SLC2A13: variants seen among roughly 807,000 people sequenced by gnomAD.
SLC2A13 encodes proton myo-inositol cotransporter.
Under a neutral mutation model 64.4 loss-of-function variants are expected in SLC2A13, and 32 were observed. The ratio of observed to expected loss-of-function variants is 0.50; its 90% confidence interval spans 0.37 to 0.67. The LOEUF is 0.67. Among genes scored for constraint, SLC2A13 ranks in the 30% least tolerant of loss-of-function variants. The pLI is 0.00. For missense variants in SLC2A13, 743 were observed against 829.2 expected (o/e 0.90, Z 1.28); for synonymous variants, 338 against 327.1 (o/e 1.03, Z -0.36).
At chr12:40,103,761 T>G (rs972248914) in intron 1 of SLC2A13, among the ~76,000 whole-genome samples, 2 of 152,222 alleles carry the variant, frequency 1.3e-5, no homozygotes, top group African/African-American at 4.8e-5. Flanking sequence ...CAGACAATGC[T>G]GAGAAAAGAA....
chr12:40,029,712 A>G (rs566214333), intron 2 of SLC2A13, among the ~76,000 whole-genome samples: 1 of 152,226 alleles, frequency 6.6e-6, no homozygotes, highest in Admixed American at 6.5e-5. Flanking sequence ...TACAAATTAC[A>G]AACTTAAACT....
chr12:39,764,417 T>C, intron 9 of SLC2A13, 43 bp downstream of exon 9: 4 of 1,473,328 alleles, frequency 2.7e-6, no homozygotes, highest in Non-Finnish European at 3.6e-6. Flanking sequence ...AAAATAGTGA[T>C]AAAAATAAAA....
chr12:39,980,081 T>C lies in SLC2A13; in HGVS notation c.926-28716A>G, dbSNP rs970509505. The stretch of plus-strand genomic sequence containing the variant: ...TCATATCCAGCCAAACAAAGCTTCA[T>C]AAGTGAAGGAGAAATAAAATACTTT... On this transcript the variant is annotated intron_variant, in intron 3 of 9. Transcript: ENST00000280871. 7.6e-3 allele frequency among the ~76,000 whole-genome samples: 1,155 copies of C among 151,964 alleles called. 11 individuals carry two copies. Among genetic ancestry groups the C allele is most frequent in the African/African-American group, 0.026 (1,078 of 41,406 alleles).
intron 4 of SLC2A13, among the ~76,000 whole-genome samples, chr12:39,885,469 G>A (rs760810625): frequency 1.5e-4 from 23 of 152,104 alleles, no homozygotes; most frequent in Admixed American, 1.2e-3. Context: ...CTTGATCCCC[G>A]CTTCTACAAT....
chr12:40,062,150 G>A (rs529904733), intron 1 of SLC2A13, among the ~76,000 whole-genome samples: 1 of 152,062 alleles, frequency 6.6e-6, no homozygotes, highest in East Asian at 1.9e-4. Context: ...ACATACAAAA[G>A]TCAATTGTTA....
intron 1 of SLC2A13, among the ~76,000 whole-genome samples, chr12:40,052,148 T>C (rs1023640799): frequency 3.9e-5 from 6 of 151,948 alleles, no homozygotes. Flanking sequence ...AAAATGAAGT[T>C]TGAGTACAAG....
In SLC2A13 at chr12:39,835,191, T is replaced by C. The variant is rs181233284; in HGVS notation, c.1320-4963A>G. 2.3e-3 allele frequency among the ~76,000 whole-genome samples: 345 copies of C among 152,210 alleles called. 1 individual carries two copies. Among genetic ancestry groups the C allele is most frequent in the African/African-American group, 7.5e-3 (313 of 41,566 alleles). ...GGCCTATTTGTCCCCTTCCACAGTG[T>C]GACCTGGACTAAGGTCTAAATTCTA... On this transcript the variant is annotated intron_variant, in intron 6 of 9. Transcript: ENST00000280871.
intron 7 of SLC2A13, among the ~76,000 whole-genome samples, chr12:39,822,563 C>A (rs1243199375): frequency 6.6e-6 from 1 of 152,202 alleles, no homozygotes; most frequent in Admixed American, 6.5e-5. Context: ...CTGCTGTACA[C>A]CTTCTGATGC....
At chr12:39,814,714 C>T (rs890144799) in intron 7 of SLC2A13, among the ~76,000 whole-genome samples, 2 of 152,130 alleles carry the variant, frequency 1.3e-5, no homozygotes, top group East Asian at 3.9e-4. Context: ...ACAAACCCTG[C>T]CTATCCTTCA....
intron 3 of SLC2A13, among the ~76,000 whole-genome samples, chr12:39,957,871 G>C (rs1419091756): frequency 1.3e-5 from 2 of 152,092 alleles, no homozygotes; most frequent in East Asian, 3.9e-4. Context: ...ACGTGAGGAG[G>C]CCCAGCCCCT....
chr12:39,980,481 C>A (rs1165692182), intron 3 of SLC2A13, among the ~76,000 whole-genome samples: 3 of 151,448 alleles, frequency 2.0e-5, no homozygotes, highest in Non-Finnish European at 2.9e-5. Flanking sequence ...GGAGGAAGAT[C>A]TACCAAGCAA....
At chr12:40,073,136 T>C (rs374298783) in intron 1 of SLC2A13, among the ~76,000 whole-genome samples, 5 of 152,108 alleles carry the variant, frequency 3.3e-5, no homozygotes, top group African/African-American at 1.2e-4. Context: ...TACCTTATAA[T>C]AGCAAAATAA....
At chr12:39,962,716 T>C (rs973117435) in intron 3 of SLC2A13, among the ~76,000 whole-genome samples, 1 of 152,188 alleles carries the variant, frequency 6.6e-6, no homozygotes, top group South Asian at 2.1e-4. Context: ...AAAAAAAGAA[T>C]ATATATGACT....
At chr12:40,047,982 T>G in intron 2 of SLC2A13, 69 bp downstream of exon 2, 1 of 1,413,180 alleles carries the variant, frequency 7.1e-7, no homozygotes, top group Non-Finnish European at 9.6e-7. Flanking sequence ...TTGACTATGA[T>G]TTCTCAATTT....
chr12:40,074,645 CCCTGACATATCTGAGT>C (rs1254786836), intron 1 of SLC2A13, among the ~76,000 whole-genome samples: 1 of 152,156 alleles, frequency 6.6e-6, no homozygotes, highest in African/African-American at 2.4e-5. Flanking sequence ...ATTCCAGAAC[CCCTGACATATCTGAGT>C]TTGATTCTGA....
chr12:39,786,994 T>C (rs1188039478), intron 7 of SLC2A13, among the ~76,000 whole-genome samples: 1 of 55,916 alleles, frequency 1.8e-5, no homozygotes, highest in African/African-American at 6.2e-5. Context: ...TTTCTTTTTT[T>C]TAAAAAAATA....
chr12:39,759,879 T>G lies in SLC2A13; in HGVS notation c.*147A>C. 1 of 607,504 alleles carries G rather than the reference T, an allele frequency of 1.6e-6. No homozygotes were observed. The highest frequency in any genetic ancestry group is 2.2e-5 in the South Asian group (1 of 46,254). 37.6% of individuals were successfully genotyped at this position (607,504 alleles called of 1,614,324 possible). On this transcript the variant is annotated 3_prime_UTR_variant, in exon 10 of 10. Coordinates refer to ENST00000280871, the MANE Select transcript of SLC2A13 (RefSeq NM_052885.4). ...AAAAAAAGTCATCATGGTTGTATCT[T>G]CCTCCTAATCAAGTATTCTAGAATA...
intron 4 of SLC2A13, among the ~76,000 whole-genome samples, chr12:39,947,843 GTAGAAACAGGGT>G (rs2136096237): frequency 6.6e-6 from 1 of 151,930 alleles, no homozygotes; most frequent in South Asian, 2.1e-4. Flanking sequence ...TGTATTTTTA[GTAGAAACAGGGT>G]TTCACTGTGT....
At chr12:39,924,364 C>T (rs1945676697) in intron 4 of SLC2A13, among the ~76,000 whole-genome samples, 2 of 152,024 alleles carry the variant, frequency 1.3e-5, no homozygotes, top group African/African-American at 2.4e-5. Flanking sequence ...TCTGACACAA[C>T]ATAGATACTA....
Sources: gnomAD v4.1 joint callset for allele counts (sites outside exome capture counted in the v4.1 genomes callset) on GRCh38, gnomAD v4.1.1 for gene constraint, MANE v1.5 for transcripts, NCBI Gene and HGNC (gene_info 2026-07-23, HGNC 2026-07-21) for gene names.